Variants in IL18R1 observed in about 807,000 individuals in gnomAD.
IL18R1 encodes the protein interleukin 18 receptor 1.
IL18R1 carries 40 observed loss-of-function variants against 48.5 expected under a neutral mutation model. The observed-to-expected ratio is 0.82, with a 90% confidence interval of 0.64 to 1.07. The LOEUF is 1.07. Among genes scored for constraint, IL18R1 ranks in the 50% least tolerant of loss-of-function variants. The pLI is 0.00. For synonymous variants in IL18R1, 232 were observed against 225.9 expected (o/e 1.03, Z -0.24); for missense variants, 596 against 633.7 (o/e 0.94, Z 0.64).
chr2:102,385,950 T>C (rs902948781), intron 7 of IL18R1, among the ~76,000 whole-genome samples: 2 of 152,244 alleles, frequency 1.3e-5, no homozygotes, highest in South Asian at 2.1e-4. Flanking sequence ...TCTTTCTTTA[T>C]AGTTGGGTGC....
intron 9 of IL18R1, among the ~76,000 whole-genome samples, chr2:102,393,794 C>G (rs1680672791): frequency 6.6e-6 from 1 of 152,184 alleles, no homozygotes. Flanking sequence ...TTTTTAGGAC[C>G]TGACTCAAAA....
chr2:102,393,272 A>G (rs1010368011), intron 9 of IL18R1, among the ~76,000 whole-genome samples: 9 of 36,704 alleles, frequency 2.5e-4, no homozygotes, highest in Non-Finnish European at 3.9e-4. Flanking sequence ...TTGAGGGGGA[A>G]CCTACTTACT....
At chr2:102,390,927 T>C (rs1031507529) in intron 9 of IL18R1, among the ~76,000 whole-genome samples, 1 of 54,706 alleles carries the variant, frequency 1.8e-5, no homozygotes, top group African/African-American at 6.8e-5. Flanking sequence ...AAAGCAAGAC[T>C]CCGTCTCAAA....
chr2:102,356,515 AGTGT>A (rs143149413), intron 1 of IL18R1, 115 bp downstream of exon 1: 1 of 155,752 alleles, frequency 6.4e-6, no homozygotes, highest in East Asian at 1.9e-4. Context: ...AGAGAGAGAT[AGTGT>A]GTGTGTGAAT....
intron 3 of IL18R1, among the ~76,000 whole-genome samples, chr2:102,368,995 G>A (rs1017895742): frequency 1.3e-5 from 2 of 152,060 alleles, no homozygotes; most frequent in African/African-American, 4.8e-5. Context: ...ATTTTTGTTT[G>A]TTTTTATACA....
At chr2:102,395,707 A>C (rs1680785045) in intron 10 of IL18R1, among the ~76,000 whole-genome samples, 1 of 152,240 alleles carries the variant, frequency 6.6e-6, no homozygotes, top group Non-Finnish European at 1.5e-5. Flanking sequence ...TCTTGAAAAC[A>C]GATTTATTCT....
At chr2:102,389,476 A>T (rs1241074448) in intron 8 of IL18R1, among the ~76,000 whole-genome samples, 1 of 152,252 alleles carries the variant, frequency 6.6e-6, no homozygotes, top group East Asian at 1.9e-4. Flanking sequence ...TAAAATTCCA[A>T]GAGCTGTGTG....
At chr2:102,365,958 G>A (rs1247844388) in intron 2 of IL18R1, among the ~76,000 whole-genome samples, 1 of 152,138 alleles carries the variant, frequency 6.6e-6, no homozygotes, top group Non-Finnish European at 1.5e-5. Context: ...CCCATCCCAG[G>A]AAATCATTTT....
chr2:102,367,387 G>A (rs11465591), intron 2 of IL18R1, among the ~76,000 whole-genome samples: 1 of 152,150 alleles, frequency 6.6e-6, no homozygotes, highest in Non-Finnish European at 1.5e-5. Flanking sequence ...TGGTGCAGAG[G>A]AAGAACGCCA....
Position 102,396,531 on chromosome 2 carries a change from CTGTTGT to C in IL18R1, c.1274_1279del (p.Val425_Val426del). The C allele has an allele frequency of 6.4e-7, 1 of 1,557,090 alleles. No individual in the cohort carries two copies. The highest frequency in any genetic ancestry group is 8.8e-7 in the Non-Finnish European group (1 of 1,142,796). On this transcript the variant is annotated inframe_deletion and splice_region_variant, in exon 11 of 11. Transcript: ENST00000233957. The stretch of plus-strand genomic sequence containing the variant: ...AATAGGGGTTATCTTGCATTTTCAG[CTGTTGT>C]TGATGAAATCCACTCACTGATAGAG...
chr2:102,378,560 G>T (rs2080289), intron 5 of IL18R1, among the ~76,000 whole-genome samples: 2 of 152,022 alleles, frequency 1.3e-5, no homozygotes, highest in African/African-American at 4.8e-5. Flanking sequence ...CTCAAATGTC[G>T]CTCCTCCTTC....
chr2:102,370,659 A>T (rs999408118), intron 3 of IL18R1, among the ~76,000 whole-genome samples: 4 of 152,190 alleles, frequency 2.6e-5, no homozygotes, highest in Admixed American at 6.5e-5. Flanking sequence ...GGCCAAATAG[A>T]TGTGCATTTG....
chr2:102,394,512 C>A lies in IL18R1; in HGVS notation c.1155C>A (p.Cys385Ter). 6.2e-7 allele frequency: 1 copy of A among 1,612,768 alleles called. No individual in the cohort carries two copies. The highest frequency in any genetic ancestry group is 1.1e-5 in the South Asian group (1 of 90,956). The change falls in exon 10 of 11, where the codon TGC (cysteine) becomes TGA (stop). Residue 385 changes from cysteine (C) to a stop codon, truncating the protein, a stop_gained. Coordinates refer to ENST00000233957, the MANE Select transcript of IL18R1 (RefSeq NM_003855.5). LOFTEE classifies it high-confidence loss of function. The part of the protein sequence containing the change: ...YDAFVSYLKE[C>*]RPENGEEHTF... ...CTTTTGTGTCTTACCTAAAAGAATGCCGACCTGAAAATGGAGAGGAGCACA... is the reference window on the plus strand; with the variant it reads ...CTTTTGTGTCTTACCTAAAAGAATGACGACCTGAAAATGGAGAGGAGCACA...
intron 3 of IL18R1, among the ~76,000 whole-genome samples, chr2:102,370,150 GT>G (rs1295916203): frequency 6.6e-6 from 1 of 152,164 alleles, no homozygotes; most frequent in Non-Finnish European, 1.5e-5. Flanking sequence ...TGGCCTCAGT[GT>G]TAACCCTAGC....
chr2:102,385,176 C>T (rs1211034461), intron 7 of IL18R1, among the ~76,000 whole-genome samples, 178 bp downstream of exon 7: 1 of 151,998 alleles, frequency 6.6e-6, no homozygotes, highest in Non-Finnish European at 1.5e-5. Flanking sequence ...ACGCATTATG[C>T]AGAAATGTAT....
intron 4 of IL18R1, among the ~76,000 whole-genome samples, chr2:102,375,470 C>T (rs556711937): frequency 2.0e-5 from 3 of 152,236 alleles, no homozygotes; most frequent in Admixed American, 2.0e-4. Context: ...CCACCCATCC[C>T]ACTATCCACC....
intron 1 of IL18R1, among the ~76,000 whole-genome samples, chr2:102,360,743 G>T (rs1277135932): frequency 1.3e-5 from 2 of 152,084 alleles, no homozygotes; most frequent in African/African-American, 4.8e-5. Context: ...TTACGGAAAA[G>T]CAAAAATATT....
rs1680883076 is a variant in IL18R1, at chr2:102,397,465, C to CA, written c.*581dup. The CA allele has an allele frequency of 6.6e-6, 1 of 152,404 alleles. No homozygotes were observed. The highest frequency in any genetic ancestry group is 2.4e-5 in the African/African-American group (1 of 41,444). 9.4% of individuals were successfully genotyped at this position (152,404 alleles called of 1,614,324 possible). ...AATGTATCCTGGCCACAGTTGCAGCCAACGGTTCTTGAAAGCTCGGTAAGG... is the reference window on the plus strand; with the variant it reads ...AATGTATCCTGGCCACAGTTGCAGCCAAACGGTTCTTGAAAGCTCGGTAAGG... On this transcript the variant is annotated 3_prime_UTR_variant, in exon 11 of 11. Coordinates refer to ENST00000233957, the MANE Select transcript of IL18R1 (RefSeq NM_003855.5).
chr2:102,369,525 G>C (rs1268218890), intron 3 of IL18R1, among the ~76,000 whole-genome samples: 1 of 152,164 alleles, frequency 6.6e-6, no homozygotes, highest in Non-Finnish European at 1.5e-5. Context: ...AAGTGTTGAG[G>C]AGAGAAGCAG....
Sources: gnomAD v4.1 joint callset for allele counts (sites outside exome capture counted in the v4.1 genomes callset) on GRCh38, gnomAD v4.1.1 for gene constraint, MANE v1.5 for transcripts, NCBI Gene and HGNC (gene_info 2026-07-23, HGNC 2026-07-21) for gene names.